Variants in GFI1B observed in about 807,000 individuals in gnomAD.
GFI1B encodes growth factor independent 1B transcriptional repressor, also known as zinc finger protein Gfi-1b.
Under a neutral mutation model 35.3 loss-of-function variants are expected in GFI1B, and 20 were observed. The observed-to-expected ratio is 0.57, with a 90% CI of 0.40 to 0.82. The LOEUF (loss-of-function observed/expected upper bound fraction) is 0.82, where lower values mean the gene tolerates loss of function less well. GFI1B is among the 40% of genes least tolerant of loss of function. The pLI, the probability that GFI1B is intolerant of heterozygous loss-of-function variation, is 0.00. For synonymous variants in GFI1B, 178 were observed against 177.6 expected (o/e 1.00, Z -0.02); for missense variants, 430 against 446.3 (o/e 0.96, Z 0.33).
At chr9:132,976,623 T>C (rs1848639550), upstream of GFI1B, 2 of 152,180 alleles carry the variant, frequency 1.3e-5, no homozygotes. Context: ...TCTTCGATTC[T>C]GCTTCCAGTG....
chr9:132,970,536 G>A (rs1848518367), intron 1 of GFI1B, among the ~76,000 whole-genome samples: 1 of 152,168 alleles, frequency 6.6e-6, no homozygotes, highest in South Asian at 2.1e-4. Flanking sequence ...CGTGCAGTGT[G>A]GTGCTCATCA....
Position 132,989,923 on chromosome 9 carries a change from C to T in GFI1B, c.814+16C>T, listed in dbSNP as rs930720301. ...ATCCACACAGGTGAGTGAGTCTCAC[C>T]TGCCTGTGCCCCCTGGGCAGAGCAC... On this transcript the variant is annotated intron_variant, in intron 6 of 6. Transcript: ENST00000372122. The surrounding 1 kb of genome is among the most constrained non-coding windows in gnomAD (Gnocchi z 6.2). The T allele has an allele frequency of 6.2e-7, 1 of 1,612,050 alleles. No homozygotes were observed. Among genetic ancestry groups the T allele is most frequent in the Non-Finnish European group, 8.5e-7 (1 of 1,178,100 alleles).
intron 1 of GFI1B, among the ~76,000 whole-genome samples, chr9:132,956,767 G>A (rs559836813): frequency 4.6e-5 from 7 of 152,326 alleles, no homozygotes; most frequent in Admixed American, 6.5e-5. Context: ...CACAGTTTCT[G>A]TGGATCAGGG....
intron 1 of GFI1B, among the ~76,000 whole-genome samples, chr9:132,966,310 G>A (rs1279559149): frequency 6.6e-6 from 1 of 151,432 alleles, no homozygotes; most frequent in Non-Finnish European, 1.5e-5. Context: ...AGTGAGCCAT[G>A]ATCACACCAC....
chr9:132,962,594 A>C lies in GFI1B; in HGVS notation c.-700-10131A>C, dbSNP rs145363626. ...AATCATCCCATTTCCCAGTGGAATC[A>C]GATGAAAACTGGTAATCAAATTAGG... On this transcript the variant is annotated intron_variant, in intron 1 of 10. Coordinates refer to the GFI1B transcript ENST00000339463. 9.6e-4 allele frequency: 489 copies of C among 509,478 alleles called. 3 individuals are homozygous for C. In the East Asian group the frequency reaches 0.021, roughly 21 times the overall value. 31.6% of individuals were successfully genotyped at this position (509,478 alleles called of 1,614,324 possible).
Position 132,989,578 on chromosome 9 carries a change from A to G in GFI1B, c.649-164A>G, listed in dbSNP as rs1459252312. On this transcript the variant is annotated intron_variant, in intron 5 of 6. Coordinates refer to ENST00000372122, the MANE Select transcript of GFI1B (RefSeq NM_001377304.1). This position sits in a 1 kb window ranked among gnomAD's most constrained non-coding sequence, Gnocchi z 6.2. ...CAAGGAAAAATCCCACAGGAGACCA[A>G]TGAGACTCCAAGCCCCAGTTTCACC... is the stretch of plus-strand genomic sequence containing the variant. 1 of 614,828 alleles carries G rather than the reference A, an allele frequency of 1.6e-6. No homozygotes were observed. The highest frequency in any genetic ancestry group is 2.9e-5 in the Admixed American group (1 of 34,968). The allele number at this position is 614,828 out of a possible 1,614,324, so 38.1% of individuals were successfully genotyped here.
rs778912632 is a variant in GFI1B, at chr9:132,987,373, G to A, written c.192G>A (p.Pro64=). 23 of 1,614,116 alleles carry A rather than the reference G, an allele frequency of 1.4e-5. No individual in the cohort carries two copies. The highest frequency in any genetic ancestry group is 3.3e-5 in the Admixed American group (2 of 60,014). The change falls in exon 3 of 7, where the codon CCG becomes CCA. Residue 64 remains proline (P), a synonymous_variant. Transcript: ENST00000372122. ...CLDWTNLKRE[P]ELEQDQNLAR... is the part of the protein sequence containing the mutation. ...ACTGGACCAACCTCAAACGAGAGCC[G>A]GAGCTGGAGCAGGACCAGAACTTGG...
chr9:132,978,240 A>G (rs1307144168), upstream of GFI1B, among the ~76,000 whole-genome samples: 1 of 149,394 alleles, frequency 6.7e-6, no homozygotes, highest in Non-Finnish European at 1.5e-5. Context: ...GAAAATAAGG[A>G]AGGGAAGGAA....
downstream of GFI1B, among the ~76,000 whole-genome samples, chr9:132,993,297 A>C (rs1348323810): frequency 1.3e-5 from 2 of 151,978 alleles, no homozygotes; most frequent in African/African-American, 4.8e-5. Context: ...TCCATCTCGG[A>C]AACAAACAAA....
rs183640091 is a variant in GFI1B, at chr9:132,982,275, T to C, written c.-21+3434T>C. On this transcript the variant is annotated intron_variant, in intron 1 of 6. Transcript: ENST00000372122. Reference sequence around the variant, plus strand: ...TAGCCCAACCGTCCCTTTTAAGAGATAGGAAAACCAAGCCCCAGGTTGGTG... The same window carrying C: ...TAGCCCAACCGTCCCTTTTAAGAGACAGGAAAACCAAGCCCCAGGTTGGTG... 2.0e-5 allele frequency among the ~76,000 whole-genome samples: 3 copies of C among 152,276 alleles called. No individual in the cohort carries two copies. In the East Asian group the frequency reaches 5.8e-4, roughly 29 times the overall value.
chr9:132,948,967 A>ACCTGG (rs59869213), intron 1 of GFI1B, among the ~76,000 whole-genome samples: 5,473 of 151,944 alleles, frequency 0.036, 333 homozygotes, highest in African/African-American at 0.12. Flanking sequence ...GAGCCTTCCC[A>ACCTGG]CCTGGCCTGG....
intron 1 of GFI1B, chr9:132,952,188 G>A (rs1396587896): frequency 6.6e-6 from 1 of 151,902 alleles, no homozygotes; most frequent in African/African-American, 2.4e-5. Flanking sequence ...GATTTTTGTA[G>A]GTTGATCTTA....
chr9:132,966,299 C>T (rs574858791), intron 1 of GFI1B, among the ~76,000 whole-genome samples: 35 of 151,612 alleles, frequency 2.3e-4, no homozygotes, highest in Admixed American at 3.3e-4. Flanking sequence ...GTTGAGGCTA[C>T]AGTGAGCCAT....
chr9:132,956,746 A>C (rs7019941), intron 1 of GFI1B, among the ~76,000 whole-genome samples: 1,805 of 152,318 alleles, frequency 0.012, 38 homozygotes, highest in African/African-American at 0.041. Flanking sequence ...GAACAACACC[A>C]CCTATTATCT....
intron 1 of GFI1B, among the ~76,000 whole-genome samples, chr9:132,957,419 G>T (rs1328938886): frequency 5.9e-5 from 9 of 152,286 alleles, no homozygotes; most frequent in African/African-American, 2.2e-4. Flanking sequence ...TGTATTAAGT[G>T]AAGAGTATGT....
At chr9:132,969,422 C>T (rs924561184) in intron 1 of GFI1B, among the ~76,000 whole-genome samples, 8 of 152,298 alleles carry the variant, frequency 5.3e-5, no homozygotes, top group South Asian at 4.1e-4. Flanking sequence ...CTTAGCATAA[C>T]GTCCTCGGGG....
At chr9:132,960,339 A>G (rs550151714) in intron 1 of GFI1B, among the ~76,000 whole-genome samples, 1 of 152,240 alleles carries the variant, frequency 6.6e-6, no homozygotes, top group South Asian at 2.1e-4. Flanking sequence ...GGAGGCAAGA[A>G]AAGTCATGTA....
At chr9:132,965,152 C>T (rs926157672) in intron 1 of GFI1B, among the ~76,000 whole-genome samples, 1 of 152,070 alleles carries the variant, frequency 6.6e-6, no homozygotes, top group Non-Finnish European at 1.5e-5. Flanking sequence ...TAAAAAGCAT[C>T]GATTTCCTAG....
intron 1 of GFI1B, among the ~76,000 whole-genome samples, chr9:132,964,901 G>A (rs536511749): frequency 1.3e-5 from 2 of 151,842 alleles, no homozygotes; most frequent in South Asian, 2.1e-4. Flanking sequence ...CACCATGCCC[G>A]GCTAATTTTT....
Sources: gnomAD v4.1 joint callset for allele counts (sites outside exome capture counted in the v4.1 genomes callset) on GRCh38, gnomAD v4.1.1 for gene constraint, Gnocchi (gnomAD v3.1) non-coding constraint, MANE v1.5 for transcripts, NCBI Gene and HGNC (gene_info 2026-07-23, HGNC 2026-07-21) for gene names.